Variants in RBFOX1 observed in about 807,000 individuals in gnomAD.
RBFOX1 encodes the protein RNA binding fox-1 homolog 1.
Under a neutral mutation model 57.7 loss-of-function variants are expected in RBFOX1, and 8 were observed. The ratio of observed to expected loss-of-function variants is 0.14; its 90% CI spans 0.08 to 0.25. RBFOX1 has a LOEUF of 0.25. Ranked by LOEUF, RBFOX1 falls within the 10% of genes least tolerant of loss-of-function variation. RBFOX1 has a pLI of 1.00. For missense variants in RBFOX1, 611 were observed against 548.5 expected, an observed-to-expected ratio of 1.11 and a Z score of -1.14; for synonymous variants, 326 against 222.4, an observed-to-expected ratio of 1.47 and a Z score of -4.15.
chr16:6,972,646 G>C (rs1262326176), intron 3 of RBFOX1, among the ~76,000 whole-genome samples: 1 of 152,052 alleles, frequency 6.6e-6, no homozygotes, highest in Non-Finnish European at 1.5e-5. Flanking sequence ...AAAATTTCAA[G>C]AGCAAATGCT....
chr16:5,878,586 T>C (rs1284328132), intron 4 of RBFOX1, among the ~76,000 whole-genome samples: 3 of 152,184 alleles, frequency 2.0e-5, no homozygotes, highest in African/African-American at 7.2e-5. Context: ...CTGATAAATG[T>C]TGCTGATACA....
At chr16:7,285,851 C>T (rs1373818860) in intron 4 of RBFOX1, among the ~76,000 whole-genome samples, 1 of 152,160 alleles carries the variant, frequency 6.6e-6, no homozygotes, top group Non-Finnish European at 1.5e-5. Flanking sequence ...TCTTCAAGTG[C>T]AGGGTTTTGT....
chr16:7,433,693 A>G (rs1185175251), intron 4 of RBFOX1, among the ~76,000 whole-genome samples: 1 of 152,140 alleles, frequency 6.6e-6, no homozygotes, highest in African/African-American at 2.4e-5. Context: ...CATCCCTTCT[A>G]CCATCCTTCT....
At chr16:6,690,517 A>G (rs1227630050) in intron 3 of RBFOX1, among the ~76,000 whole-genome samples, 1 of 151,742 alleles carries the variant, frequency 6.6e-6, no homozygotes, top group East Asian at 1.9e-4. Flanking sequence ...AAAATAGTAT[A>G]TAAGTAAAAG....
At chr16:5,538,619 C>CTT (rs59757856) in intron 2 of RBFOX1, among the ~76,000 whole-genome samples, 3 of 126,942 alleles carry the variant, frequency 2.4e-5, no homozygotes, top group Non-Finnish European at 5.1e-5. Context: ...TTTATTTCTT[C>CTT]TTTTTTTTTT....
chr16:5,328,869 C>T (rs2064663680), intron 1 of RBFOX1, among the ~76,000 whole-genome samples: 1 of 152,196 alleles, frequency 6.6e-6, no homozygotes, highest in East Asian at 1.9e-4. Context: ...GGAAATTAAC[C>T]ATTAGGCTGC....
intron 4 of RBFOX1, among the ~76,000 whole-genome samples, chr16:7,195,296 A>C (rs780708449): frequency 3.3e-5 from 5 of 152,138 alleles, no homozygotes; most frequent in Non-Finnish European, 5.9e-5. Flanking sequence ...CAGGCTTGCA[A>C]AATAAGGCTT....
intron 1 of RBFOX1, among the ~76,000 whole-genome samples, chr16:6,027,537 C>G (rs550189324): frequency 3.1e-4 from 47 of 152,248 alleles, no homozygotes; most frequent in African/African-American, 1.0e-3. Flanking sequence ...CAGTCCATCC[C>G]TACAAATGGA....
rs769343592 is a variant in RBFOX1 at position 7,433,171 on chromosome 16, G to A, written c.28-84976G>A. Reference sequence around the variant, plus strand: ...CTGATCCTCCCTTCTTTCCTTCTGGGACTTCTTAGGAGGAAGTCTATAAAA... The same window carrying A: ...CTGATCCTCCCTTCTTTCCTTCTGGAACTTCTTAGGAGGAAGTCTATAAAA... On this transcript the variant is annotated intron_variant, in intron 4 of 15. Transcript: ENST00000550418. 1.6e-4 allele frequency among the ~76,000 whole-genome samples: 24 copies of A among 152,102 alleles called. No homozygotes were observed. In the South Asian group the frequency reaches 1.9e-3, roughly 12 times the overall value.
At chr16:7,196,913 T>A (rs1025058380) in intron 4 of RBFOX1, among the ~76,000 whole-genome samples, 9 of 152,172 alleles carry the variant, frequency 5.9e-5, no homozygotes, top group Non-Finnish European at 1.3e-4. Context: ...ATAATTAGAG[T>A]GGTGTGCAGA....
intron 4 of RBFOX1, among the ~76,000 whole-genome samples, chr16:7,202,370 C>G (rs933858800): frequency 6.6e-6 from 1 of 151,502 alleles, no homozygotes; most frequent in African/African-American, 2.4e-5. Flanking sequence ...CCATTACGCC[C>G]TGTGGGTAGG....
At chr16:5,437,862 A>G (rs929037855) in intron 1 of RBFOX1, among the ~76,000 whole-genome samples, 9 of 152,194 alleles carry the variant, frequency 5.9e-5, no homozygotes, top group African/African-American at 1.9e-4. Context: ...ATTGAAATAT[A>G]TATTAGAAGC....
At chr16:6,540,643 A>G (rs542581003) in intron 2 of RBFOX1, among the ~76,000 whole-genome samples, 1 of 148,144 alleles carries the variant, frequency 6.8e-6, no homozygotes, top group Non-Finnish European at 1.5e-5. Context: ...AAAAAACCTC[A>G]AGTCAGTCTC....
intron 4 of RBFOX1, among the ~76,000 whole-genome samples, chr16:7,450,205 C>T (rs1246707042): frequency 2.0e-5 from 3 of 151,938 alleles, no homozygotes; most frequent in Admixed American, 2.0e-4. Context: ...ATCATCCTGG[C>T]CAATGTGGTG....
chr16:5,519,287 C>T (rs2043919561), intron 2 of RBFOX1, among the ~76,000 whole-genome samples: 1 of 152,212 alleles, frequency 6.6e-6, no homozygotes, highest in African/African-American at 2.4e-5. Context: ...CCCATGCTAG[C>T]ATGGTTGTTT....
At chr16:7,293,159 A>G (rs1043317894) in intron 4 of RBFOX1, among the ~76,000 whole-genome samples, 6 of 152,328 alleles carry the variant, frequency 3.9e-5, no homozygotes, top group African/African-American at 1.2e-4. Flanking sequence ...CTGCAGATCA[A>G]AAATATTCAG....
chr16:5,788,295 C>A (rs1319709699), intron 3 of RBFOX1, among the ~76,000 whole-genome samples: 1 of 152,144 alleles, frequency 6.6e-6, no homozygotes, highest in Non-Finnish European at 1.5e-5. Flanking sequence ...TAACTGCTGT[C>A]CTTATTGGAG....
At chr16:5,241,695 A>C (rs1262399967) in intron 1 of RBFOX1, among the ~76,000 whole-genome samples, 1 of 152,220 alleles carries the variant, frequency 6.6e-6, no homozygotes, top group African/African-American at 2.4e-5. Flanking sequence ...CCATAGAAGC[A>C]CTTAGCGTTG....
At chr16:7,406,462 C>T (rs1479701423) in intron 4 of RBFOX1, among the ~76,000 whole-genome samples, 6 of 152,164 alleles carry the variant, frequency 3.9e-5, no homozygotes, top group South Asian at 2.1e-4. Context: ...CCCTGTGGCC[C>T]AGAGGGTGGA....
Sources: allele counts gnomAD v4.1 joint callset (sites outside exome capture counted in the v4.1 genomes callset), GRCh38; gene constraint gnomAD v4.1.1; transcripts MANE v1.5; gene names NCBI Gene and HGNC (gene_info 2026-07-23, HGNC 2026-07-21).